The following CYP7B1 variants were observed in gnomAD, a reference collection of about 807,000 sequenced individuals.
CYP7B1 encodes cytochrome P450 family 7 subfamily B member 1.
In CYP7B1, 29 loss-of-function variants were observed where a neutral mutation model predicts 42.7. The ratio of observed to expected loss-of-function variants is 0.68; its 90% confidence interval spans 0.51 to 0.93. The LOEUF is 0.93. Ranked by LOEUF, CYP7B1 falls within the 40% of genes least tolerant of loss-of-function variation. The probability of loss-of-function intolerance (pLI) is 0.00; values close to 1 mark genes in which losing one functional copy is unlikely to be tolerated. For missense variants in CYP7B1, 655 were observed against 600.5 expected (o/e 1.09, Z -0.95); for synonymous variants, 235 against 218.2 (o/e 1.08, Z -0.68).
intron 1 of CYP7B1, among the ~76,000 whole-genome samples, chr8:64,793,705 T>G (rs1220393046): frequency 6.6e-6 from 1 of 151,966 alleles, no homozygotes; most frequent in Admixed American, 6.5e-5. Context: ...CTTTAAACAT[T>G]TTTCTCAAAG....
chr8:64,620,284 C>G (rs1805509025), intron 2 of CYP7B1, among the ~76,000 whole-genome samples: 1 of 152,168 alleles, frequency 6.6e-6, no homozygotes, highest in Non-Finnish European at 1.5e-5. Context: ...TTTTTAATCT[C>G]AAGCTGAAAA....
chr8:64,778,552 G>A (rs918496316), intron 1 of CYP7B1, among the ~76,000 whole-genome samples: 2 of 152,004 alleles, frequency 1.3e-5, no homozygotes, highest in African/African-American at 4.8e-5. Flanking sequence ...TAACTGCAGC[G>A]ATGACACATG....
At chr8:64,746,405 C>T (rs1369572177) in intron 1 of CYP7B1, among the ~76,000 whole-genome samples, 3 of 152,150 alleles carry the variant, frequency 2.0e-5, no homozygotes, top group African/African-American at 7.2e-5. Context: ...GCAAGAGGCA[C>T]TGTCATTCCT....
At chr8:64,710,527 C>T (rs1006633093) in intron 1 of CYP7B1, among the ~76,000 whole-genome samples, 3 of 152,160 alleles carry the variant, frequency 2.0e-5, no homozygotes, top group Non-Finnish European at 4.4e-5. Context: ...CACCTTCTCT[C>T]TTAGACTTTT....
chr8:64,757,479 G>A (rs549522559), intron 1 of CYP7B1, among the ~76,000 whole-genome samples: 1 of 152,312 alleles, frequency 6.6e-6, no homozygotes, highest in South Asian at 2.1e-4. Flanking sequence ...TAAGTCTAAA[G>A]GCATTAGTAT....
intron 1 of CYP7B1, among the ~76,000 whole-genome samples, chr8:64,651,871 A>G (rs4350019): frequency 0.85 from 128,939 of 152,200 alleles, 54,867 homozygotes; most frequent in Middle Eastern, 0.9. Flanking sequence ...TGCTGTTATA[A>G]TAGCCTGAAT....
Position 64,593,077 on chromosome 8 carries a change from T to C in CYP7B1, c.*3565A>G, listed in dbSNP as rs891807825. Among the ~76,000 whole-genome samples the C allele has an allele frequency of 7.9e-5, 12 of 152,228 alleles. No homozygotes were observed. Among genetic ancestry groups the C allele is most frequent in the Non-Finnish European group, 1.8e-4 (12 of 68,044 alleles). On this transcript the variant is annotated 3_prime_UTR_variant, in exon 6 of 6. Transcript: ENST00000310193. ...ATAAGCCGAAATTGGAATGGAATAA[T>C]TTCCTGTGTTCTCTGTGCCTTAACA...
At chr8:64,588,972 C>G (rs1379777469), downstream of CYP7B1, among the ~76,000 whole-genome samples, 1 of 152,186 alleles carries the variant, frequency 6.6e-6, no homozygotes, top group Non-Finnish European at 1.5e-5. Context: ...CTTTAATTTC[C>G]TTTGGAGAAG....
At chr8:64,625,251 G>A (rs1053884727) in intron 1 of CYP7B1, among the ~76,000 whole-genome samples, 4 of 152,080 alleles carry the variant, frequency 2.6e-5, no homozygotes, top group Non-Finnish European at 4.4e-5. Flanking sequence ...GGCATTACAG[G>A]CGTGAGCCAC....
intron 4 of CYP7B1, among the ~76,000 whole-genome samples, chr8:64,608,329 A>G (rs1451373768): frequency 6.6e-6 from 1 of 152,266 alleles, no homozygotes; most frequent in Non-Finnish European, 1.5e-5. Context: ...GCAGCTTATG[A>G]CAATCAATAA....
intron 1 of CYP7B1, among the ~76,000 whole-genome samples, chr8:64,765,577 A>G (rs1585902462): frequency 1.3e-5 from 2 of 152,216 alleles, no homozygotes; most frequent in East Asian, 3.9e-4. Flanking sequence ...TCTGTGGTCA[A>G]CAAAGGCAAG....
At chr8:64,738,196 G>A (rs1807518585) in intron 1 of CYP7B1, among the ~76,000 whole-genome samples, 1 of 151,984 alleles carries the variant, frequency 6.6e-6, no homozygotes, top group African/African-American at 2.4e-5. Context: ...TCTAACTCTG[G>A]AGTAATTAAA....
At chr8:64,632,283 G>A (rs141275233) in intron 1 of CYP7B1, among the ~76,000 whole-genome samples, 19 of 152,188 alleles carry the variant, frequency 1.2e-4, no homozygotes, top group South Asian at 6.2e-4. Context: ...ACAGATAAAC[G>A]CGGAGGACAT....
chr8:64,765,614 G>A (rs1361988287), intron 1 of CYP7B1, among the ~76,000 whole-genome samples: 2 of 152,210 alleles, frequency 1.3e-5, no homozygotes, highest in African/African-American at 2.4e-5. Context: ...TGCTACATCA[G>A]TGAGCGTTAA....
At chr8:64,716,354 C>A (rs1807154275) in intron 1 of CYP7B1, among the ~76,000 whole-genome samples, 1 of 152,140 alleles carries the variant, frequency 6.6e-6, no homozygotes, top group Admixed American at 6.5e-5. Context: ...AAGAAGTTAT[C>A]ATATCTTTTG....
intron 1 of CYP7B1, among the ~76,000 whole-genome samples, chr8:64,651,110 T>A (rs1275059453): frequency 6.6e-6 from 1 of 152,208 alleles, no homozygotes; most frequent in Non-Finnish European, 1.5e-5. Flanking sequence ...GGAAAAATAC[T>A]ACTTGGAGAA....
At chr8:64,777,854 A>G (rs1804351839) in intron 1 of CYP7B1, among the ~76,000 whole-genome samples, 2 of 151,962 alleles carry the variant, frequency 1.3e-5, no homozygotes, top group African/African-American at 2.4e-5. Flanking sequence ...ATTTCAGTAT[A>G]GGAAAAAAAA....
At chr8:64,776,156 T>C (rs2129657542) in intron 1 of CYP7B1, among the ~76,000 whole-genome samples, 1 of 152,308 alleles carries the variant, frequency 6.6e-6, no homozygotes, top group South Asian at 2.1e-4. Flanking sequence ...AAGTGCTTAC[T>C]GCCATTGATG....
downstream of CYP7B1, among the ~76,000 whole-genome samples, chr8:64,588,803 C>T (rs1378368087): frequency 3.3e-5 from 5 of 152,192 alleles, no homozygotes; most frequent in Non-Finnish European, 5.9e-5. Context: ...CTGACTGAGT[C>T]GGTGCTCTCC....
Sources: gnomAD v4.1 joint callset for allele counts (sites outside exome capture counted in the v4.1 genomes callset) on GRCh38, gnomAD v4.1.1 for gene constraint, MANE v1.5 for transcripts, NCBI Gene and HGNC (gene_info 2026-07-23, HGNC 2026-07-21) for gene names.